GNA15: variants seen among roughly 807,000 people sequenced by gnomAD.
GNA15 encodes the protein G protein subunit alpha 15.
In GNA15, 23 loss-of-function variants were observed where a neutral mutation model predicts 40.1. That is an observed-to-expected ratio of 0.57 (90% CI 0.41 to 0.81). The LOEUF (loss-of-function observed/expected upper bound fraction) is 0.81. Ranked by LOEUF, GNA15 falls within the 40% of genes least tolerant of loss-of-function variation. GNA15 has a pLI of 0.00. For missense variants in GNA15, 522 were observed against 515.8 expected (o/e 1.01, Z -0.12); for synonymous variants, 226 against 210.4 (o/e 1.07, Z -0.64).
intron 3 of GNA15, 117 bp downstream of exon 3, chr19:3,150,402 C>A: frequency 1.1e-6 from 1 of 900,062 alleles, no homozygotes; most frequent in Non-Finnish European, 1.7e-6. Context: ...TGAGGTGGTC[C>A]TGCTCCAGGA....
chr19:3,140,033 C>CA (rs61178299), intron 1 of GNA15, among the ~76,000 whole-genome samples: 23 of 95,976 alleles, frequency 2.4e-4, no homozygotes, highest in South Asian at 1.3e-3. Flanking sequence ...AACTCCATCT[C>CA]AAAAAAAAAA....
intron 1 of GNA15, chr19:3,142,557 C>T (rs942183741): frequency 1.3e-5 from 2 of 152,154 alleles, no homozygotes; most frequent in Non-Finnish European, 1.5e-5. Flanking sequence ...TGGAAGACAA[C>T]TGGGGGACAG....
chr19:3,162,666 C>T (rs930938737), intron 6 of GNA15, 127 bp from the exon 7 acceptor site: 2 of 634,550 alleles, frequency 3.2e-6, no homozygotes, highest in African/African-American at 1.8e-5. Flanking sequence ...ATGGAGTCAA[C>T]GCACAGAAAA....
intron 1 of GNA15, chr19:3,143,264 G>A (rs415011): frequency 0.47 from 70,704 of 151,954 alleles, 16,818 homozygotes; most frequent in African/African-American, 0.51. Context: ...GCTCGGGGTT[G>A]GGAAGACGGT....
chr19:3,163,183 C>T lies in GNA15; in HGVS notation c.*164C>T. 1.6e-6 allele frequency: 1 copy of T among 608,992 alleles called. No individual in the cohort carries two copies. Among genetic ancestry groups the T allele is most frequent in the Non-Finnish European group, 2.9e-6 (1 of 340,710 alleles). The allele number at this position is 608,992 out of a possible 1,614,324, so 37.7% of individuals were successfully genotyped here. A position where few individuals can be genotyped will look rare whatever the true frequency, so the allele number is the denominator to read the frequency against. Reference sequence around the variant, plus strand: ...TGGCCGCTCTCTTCTCTGCCTCTCACCAGGACAGCCGCCCCCCAGGGTACT... The same window carrying T: ...TGGCCGCTCTCTTCTCTGCCTCTCATCAGGACAGCCGCCCCCCAGGGTACT... On this transcript the variant is annotated 3_prime_UTR_variant, in exon 7 of 7. Transcript: ENST00000262958.
At chr19:3,150,334 C>CA in intron 3 of GNA15, 49 bp downstream of exon 3, 1 of 1,457,046 alleles carries the variant, frequency 6.9e-7, no homozygotes, top group Non-Finnish European at 9.2e-7. Context: ...GGGCTGAGGG[C>CA]AGGGGCCAGG....
In GNA15 at chr19:3,162,944, G is replaced by C. The variant is rs764576537; in HGVS notation, c.1050G>C (p.Gln350His). ...FSHYTCATDT[Q>H]NIRKVFKDVR... ...ACTACACATGTGCCACAGACACACA[G>C]AACATCCGCAAGGTCTTCAAGGACG... Residue 350 changes from glutamine to histidine, a missense_variant, in exon 7 of 7, where the codon CAG (glutamine) becomes CAC (histidine). Coordinates refer to ENST00000262958, the MANE Select transcript of GNA15 (RefSeq NM_002068.4). The C allele has an allele frequency of 1.2e-5, 19 of 1,614,014 alleles. No individual in the cohort carries two copies. The highest frequency in any genetic ancestry group is 1.5e-5 in the Non-Finnish European group (18 of 1,179,998).
Position 3,155,977 on chromosome 19 carries a change from G to T in GNA15, c.744+25G>T. 1 of 1,609,590 alleles carries T rather than the reference G, an allele frequency of 6.2e-7. No individual in the cohort carries two copies. The highest frequency in any genetic ancestry group is 8.5e-7 in the Non-Finnish European group (1 of 1,177,006). On this transcript the variant is annotated intron_variant, in intron 5 of 6. Transcript: ENST00000262958. The surrounding 1 kb of genome is among the most constrained non-coding windows in gnomAD (Gnocchi z 5.6). ...GGTGCGCCACCGCCTCCCTCGCCCT[G>T]CCCACTTGTTGGCCCAGGGACCCTC... is the stretch of plus-strand genomic sequence containing the variant.
At chr19:3,162,388 G>GA (rs34612768) in intron 6 of GNA15, among the ~76,000 whole-genome samples, 27 of 148,238 alleles carry the variant, frequency 1.8e-4, no homozygotes, top group East Asian at 4.0e-4. Context: ...CCCATCTCAA[G>GA]AAAAAAAAAA....
At position 3,155,196 on chromosome 19, in the gene GNA15, TCCAAAGC is replaced by T. The variant is rs1914983285; in HGVS notation, c.615-625_615-619del. ...TGCTTGAGGCCCTGGGCCGGGCCCG[TCCAAAGC>T]CTCTGTTCTGGGACTTCCTGAGTAA... is the stretch of plus-strand genomic sequence containing the variant. On this transcript the variant is annotated intron_variant, in intron 4 of 6. Transcript: ENST00000262958. This position sits in a 1 kb window ranked among gnomAD's most constrained non-coding sequence, Gnocchi z 5.6. 6.6e-6 allele frequency: 1 copy of T among 152,464 alleles called. No individual in the cohort carries two copies. The highest frequency in any genetic ancestry group is 2.4e-5 in the African/African-American group (1 of 41,450). The allele number at this position is 152,464 out of a possible 1,614,324, so 9.4% of individuals were successfully genotyped here.
chr19:3,162,024 C>A (rs1047115418), intron 6 of GNA15, among the ~76,000 whole-genome samples: 3 of 149,710 alleles, frequency 2.0e-5, no homozygotes, highest in African/African-American at 7.4e-5. Flanking sequence ...CAGAGTGAGA[C>A]TCTGTCTCAA....
intron 1 of GNA15, chr19:3,142,039 G>A (rs538517682): frequency 9.2e-4 from 141 of 152,808 alleles, no homozygotes; most frequent in Non-Finnish European, 1.7e-3. Flanking sequence ...TTCCTGTGAG[G>A]GCCTGGTGCT....
rs199762346 is a variant in GNA15, at chr19:3,151,830, C to T, written c.609C>T (p.Asn203=). 1.2e-6 allele frequency: 2 copies of T among 1,609,184 alleles called. No homozygotes were observed. Among genetic ancestry groups the T allele is most frequent in the Non-Finnish European group, 1.7e-6 (2 of 1,177,824 alleles). The part of the protein sequence containing the change: ...NEYCFSVQKT[N]LRIVDVGGQK... ...ACTGCTTCTCCGTGCAGAAAACCAACCTGCGGTGAGCGCTCCACCTAGGCC... is the reference window on the plus strand; with the variant it reads ...ACTGCTTCTCCGTGCAGAAAACCAATCTGCGGTGAGCGCTCCACCTAGGCC... The change falls in exon 4 of 7, where the codon AAC becomes AAT. Residue 203 remains asparagine, a synonymous_variant. Transcript: ENST00000262958. The surrounding 1 kb of genome is among the most constrained non-coding windows in gnomAD (Gnocchi z 5.0).
At chr19:3,159,346 C>CT (rs112224395) in intron 6 of GNA15, among the ~76,000 whole-genome samples, 9,672 of 115,030 alleles carry the variant, frequency 0.084, 1,108 homozygotes, top group African/African-American at 0.24. Context: ...AATTTCTTTT[C>CT]TTTTTTTTTT....
At chr19:3,142,598 C>T (rs1051832575) in intron 1 of GNA15, among the ~76,000 whole-genome samples, 8 of 151,896 alleles carry the variant, frequency 5.3e-5, no homozygotes, top group African/African-American at 1.2e-4. Flanking sequence ...TGGCTGGGCG[C>T]GGTGGCTCAG....
intron 1 of GNA15, among the ~76,000 whole-genome samples, chr19:3,144,743 T>G (rs918735290): frequency 2.0e-5 from 3 of 151,340 alleles, no homozygotes; most frequent in African/African-American, 4.9e-5. Context: ...TTAGCCAGGA[T>G]GGTCTCGATC....
chr19:3,160,012 G>A (rs1054898143), intron 6 of GNA15, among the ~76,000 whole-genome samples: 5 of 152,182 alleles, frequency 3.3e-5, no homozygotes, highest in South Asian at 2.1e-4. Flanking sequence ...GTGTGGTGGC[G>A]GGTGTCCTGC....
At position 3,163,090 on chromosome 19, in the gene GNA15, G is replaced by C. The variant is rs1915178235; in HGVS notation, c.*71G>C. The C allele has an allele frequency of 1.0e-6, 1 of 952,924 alleles. No individual in the cohort carries two copies. The highest frequency in any genetic ancestry group is 1.6e-5 in the African/African-American group (1 of 62,128). The allele number at this position is 952,924 out of a possible 1,614,324, so 59.0% of individuals were successfully genotyped here. A position where few individuals can be genotyped will look rare whatever the true frequency, so the allele number is the denominator to read the frequency against. On this transcript the variant is annotated 3_prime_UTR_variant, in exon 7 of 7. Coordinates refer to ENST00000262958, the MANE Select transcript of GNA15 (RefSeq NM_002068.4). ...GTGGGAGTGGCTGCAGGGACCCCTA[G>C]TGTCCCTGGTCTATCTCTCCAGCCT...
intron 1 of GNA15, among the ~76,000 whole-genome samples, chr19:3,139,019 C>A (rs964126941): frequency 6.7e-6 from 1 of 148,614 alleles, no homozygotes; most frequent in Non-Finnish European, 1.5e-5. Flanking sequence ...GATCTCAGCT[C>A]ACTGCAACCT....
Sources: gnomAD v4.1 joint callset for allele counts (sites outside exome capture counted in the v4.1 genomes callset) on GRCh38, gnomAD v4.1.1 for gene constraint, Gnocchi (gnomAD v3.1) non-coding constraint, MANE v1.5 for transcripts, NCBI Gene and HGNC (gene_info 2026-07-23, HGNC 2026-07-21) for gene names.